Variants in GCNT2 observed in about 807,000 individuals in gnomAD.
GCNT2 encodes the protein N-acetyllactosaminide beta-1,6-N-acetylglucosaminyl-transferase.
GCNT2 carries 34 observed loss-of-function variants against 34.2 expected under a neutral mutation model. That is an observed-to-expected ratio of 1.00 (90% CI 0.76 to 1.32). The LOEUF (loss-of-function observed/expected upper bound fraction) is 1.32, where lower values mean the gene tolerates loss of function less well. Among genes scored for constraint, GCNT2 ranks in the 40% most tolerant of loss-of-function variants. The pLI is 0.00. For missense variants in GCNT2, 584 were observed against 489.4 expected, an observed-to-expected ratio of 1.19 and a Z score of -1.82; for synonymous variants, 212 against 188.0, an observed-to-expected ratio of 1.13 and a Z score of -1.04.
At chr6:10,587,385 G>A (rs988322889) in intron 3 of GCNT2, among the ~76,000 whole-genome samples, 4 of 152,132 alleles carry the variant, frequency 2.6e-5, no homozygotes, top group African/African-American at 7.2e-5. Flanking sequence ...AAGCTGCTTC[G>A]GATATTCACA....
intron 3 of GCNT2, among the ~76,000 whole-genome samples, chr6:10,552,349 T>A (rs1050406171): frequency 2.6e-5 from 4 of 151,946 alleles, no homozygotes; most frequent in Admixed American, 2.6e-4. Flanking sequence ...AGAGCAGAAT[T>A]ACAGTCAGCA....
intron 3 of GCNT2, among the ~76,000 whole-genome samples, chr6:10,581,309 T>C (rs112842979): frequency 0.043 from 6,569 of 152,228 alleles, 480 homozygotes; most frequent in African/African-American, 0.15. Context: ...TTGCTCTTGT[T>C]GCCCAGGCTG....
intron 1 of GCNT2, among the ~76,000 whole-genome samples, chr6:10,526,649 G>A (rs560279325): frequency 3.9e-5 from 6 of 152,108 alleles, no homozygotes; most frequent in South Asian, 4.1e-4. Context: ...AGCTCCTCCC[G>A]CCTTGGCCTC....
rs1762706796 is a variant in GCNT2, at chr6:10,556,447, C to G, written c.925+26611C>G. 7.4e-6 allele frequency: 12 copies of G among 1,613,918 alleles called. No individual in the cohort carries two copies. In the South Asian group the frequency reaches 1.1e-4, roughly 15 times the overall value. ...GCATGCCTTTATCAATGCGTTACCT[C>G]TTCATAATTTCTGTCTCTAGTGTAA... On this transcript the variant is annotated intron_variant, in intron 3 of 4. Transcript: ENST00000495262.
At chr6:10,605,632 T>G (rs1459186807) in intron 3 of GCNT2, among the ~76,000 whole-genome samples, 2 of 152,096 alleles carry the variant, frequency 1.3e-5, no homozygotes, top group African/African-American at 4.8e-5. Flanking sequence ...GATTCTAAAA[T>G]GGCAGCCACA....
chr6:10,534,708 CA>C (rs751702440), intron 3 of GCNT2, among the ~76,000 whole-genome samples: 1 of 148,906 alleles, frequency 6.7e-6, no homozygotes, highest in Non-Finnish European at 1.5e-5. Flanking sequence ...AAAAAAAAAT[CA>C]AAAAATAGTC....
chr6:10,557,892 A>G (rs923420073), intron 3 of GCNT2: 1 of 152,968 alleles, frequency 6.5e-6, no homozygotes, highest in African/African-American at 2.4e-5. Flanking sequence ...TTTTTCACAC[A>G]TCATCTTATT....
intron 3 of GCNT2, among the ~76,000 whole-genome samples, chr6:10,591,837 C>G (rs527518598): frequency 1.3e-5 from 2 of 152,352 alleles, no homozygotes; most frequent in South Asian, 4.1e-4. Flanking sequence ...AAACGTCTCT[C>G]CAGCTCTCAA....
intron 1 of GCNT2, among the ~76,000 whole-genome samples, chr6:10,526,549 T>A (rs1581355575): frequency 6.6e-6 from 1 of 152,318 alleles, no homozygotes; most frequent in Middle Eastern, 3.4e-3. Flanking sequence ...GAATGCAGGA[T>A]TTAAGCTTGC....
chr6:10,609,413 A>T (rs368262730), intron 3 of GCNT2, among the ~76,000 whole-genome samples: 3 of 152,322 alleles, frequency 2.0e-5, no homozygotes, highest in East Asian at 3.9e-4. Flanking sequence ...ATGAACCCAT[A>T]CTCAAAATAA....
intron 3 of GCNT2, among the ~76,000 whole-genome samples, chr6:10,554,942 GAT>G (rs964522064): frequency 7.2e-5 from 11 of 152,214 alleles, no homozygotes; most frequent in African/African-American, 2.7e-4. Context: ...CTCAGGAAAT[GAT>G]GTGTCATTTG....
At chr6:10,604,981 T>TA (rs1179563624) in intron 3 of GCNT2, among the ~76,000 whole-genome samples, 2 of 151,950 alleles carry the variant, frequency 1.3e-5, no homozygotes, top group East Asian at 1.9e-4. Context: ...CCTGTCTCTA[T>TA]AAAAAAATTT....
At chr6:10,604,768 G>C (rs1009437291) in intron 3 of GCNT2, among the ~76,000 whole-genome samples, 17 of 151,958 alleles carry the variant, frequency 1.1e-4, no homozygotes, top group Non-Finnish European at 1.5e-5. Context: ...GGCTGAGGTG[G>C]GATCACTTGA....
At chr6:10,578,057 G>C (rs753303226) in intron 3 of GCNT2, among the ~76,000 whole-genome samples, 2 of 151,982 alleles carry the variant, frequency 1.3e-5, no homozygotes, top group Non-Finnish European at 2.9e-5. Context: ...AATATCTGTT[G>C]GGTACCTCTG....
At chr6:10,585,601 G>A in intron 3 of GCNT2, 1 of 296,780 alleles carries the variant, frequency 3.4e-6, no homozygotes, top group South Asian at 3.9e-5. Flanking sequence ...GGCGGTGAGG[G>A]TGAAGCAAGA....
chr6:10,610,475 C>G (rs1201047213), intron 3 of GCNT2, among the ~76,000 whole-genome samples: 1 of 152,182 alleles, frequency 6.6e-6, no homozygotes, highest in African/African-American at 2.4e-5. Context: ...TGGACCATGT[C>G]AGCATTGTAA....
intron 3 of GCNT2, among the ~76,000 whole-genome samples, chr6:10,576,772 G>T (rs1236735726): frequency 6.6e-6 from 1 of 152,040 alleles, no homozygotes; most frequent in Non-Finnish European, 1.5e-5. Context: ...TTGTAAGCAG[G>T]AGCTCAGAAG....
chr6:10,553,419 T>C (rs1219410533), intron 3 of GCNT2, among the ~76,000 whole-genome samples: 2 of 152,214 alleles, frequency 1.3e-5, no homozygotes. Context: ...CCCAGGTCTT[T>C]CGTACCTTGG....
chr6:10,535,390 C>G (rs540538392), intron 3 of GCNT2, among the ~76,000 whole-genome samples: 1 of 152,252 alleles, frequency 6.6e-6, no homozygotes, highest in East Asian at 1.9e-4. Context: ...TCCCTTTTTC[C>G]TCTCCCCACT....
Sources: allele counts gnomAD v4.1 joint callset (sites outside exome capture counted in the v4.1 genomes callset), GRCh38; gene constraint gnomAD v4.1.1; transcripts MANE v1.5; gene names NCBI Gene and HGNC (gene_info 2026-07-23, HGNC 2026-07-21).